Variants in SSH2 observed in about 807,000 individuals in gnomAD.
The protein encoded by SSH2 is slingshot protein phosphatase 2, also known as protein phosphatase Slingshot homolog 2.
In SSH2, 37 loss-of-function variants were observed where a neutral mutation model predicts 135.2. The observed-to-expected ratio is 0.27, with a 90% confidence interval of 0.21 to 0.36. SSH2 has a LOEUF of 0.36. Ranked by LOEUF, SSH2 falls within the 10% of genes least tolerant of loss-of-function variation. SSH2 has a pLI of 1.00. For missense variants in SSH2, 1,408 were observed against 1,765.3 expected, an observed-to-expected ratio of 0.80 and a Z score of 3.63; for synonymous variants, 628 against 646.2, an observed-to-expected ratio of 0.97 and a Z score of 0.43.
chr17:29,842,471 AG>A (rs1440493524), intron 2 of SSH2, among the ~76,000 whole-genome samples: 3 of 107,036 alleles, frequency 2.8e-5, no homozygotes, highest in Admixed American at 2.2e-4. Context: ...AAAAAAAAAA[AG>A]ATCATCAGGT....
Position 29,703,057 on chromosome 17 carries a change from C to T in SSH2, c.194G>A (p.Ser65Asn). The T allele has an allele frequency of 6.2e-7, 1 of 1,610,774 alleles. No homozygotes were observed. Among genetic ancestry groups the T allele is most frequent in the Non-Finnish European group, 8.5e-7 (1 of 1,177,070 alleles). Residue 65 changes from serine to asparagine, a missense_variant, in exon 4 of 16, where the codon AGC (serine) becomes AAC (asparagine). Around this residue, in one of 3 missense-constraint regions of SSH2, gnomAD observed 222 missense variants for 355.6 expected, o/e 0.62. Transcript: ENST00000540801. The stretch of plus-strand genomic sequence containing the variant: ...ACCTTTGACAGTTAGAAAGCTCTCG[C>T]TGATGCTACAAGGAAAAAGTCAAAA... ...EECRSQPRSISESFLTVKGAA... is the reference protein window; with the variant it reads ...EECRSQPRSINESFLTVKGAA...
chr17:29,911,854 C>G (rs1376654370), intron 1 of SSH2, among the ~76,000 whole-genome samples: 2 of 152,194 alleles, frequency 1.3e-5, no homozygotes, highest in African/African-American at 4.8e-5. Flanking sequence ...CTAGTTAAAT[C>G]TGGGCCTCAG....
In SSH2 at chr17:29,628,786, T is replaced by C. The variant is rs575669346; in HGVS notation, c.*2055A>G. ...CAGGGTACACATAATCACTGCACCA[T>C]AGAGACGCTTTTAGCAAGTGGTTTC... On this transcript the variant is annotated 3_prime_UTR_variant, in exon 16 of 16. Coordinates refer to ENST00000540801, the MANE Select transcript of SSH2 (RefSeq NM_001282129.2). The C allele has an allele frequency of 6.6e-6, 1 of 152,342 alleles. No homozygotes were observed. Among genetic ancestry groups the C allele is most frequent in the South Asian group, 2.1e-4 (1 of 4,826 alleles). The allele number at this position is 152,342 out of a possible 1,614,324, so 9.4% of individuals were successfully genotyped here.
chr17:29,822,333 T>C (rs2042667826), intron 2 of SSH2, among the ~76,000 whole-genome samples: 1 of 152,110 alleles, frequency 6.6e-6, no homozygotes, highest in South Asian at 2.1e-4. Context: ...CATATAATCA[T>C]TGAAAAAAAC....
chr17:29,900,369 T>C (rs1402127249), intron 1 of SSH2, among the ~76,000 whole-genome samples: 1 of 152,144 alleles, frequency 6.6e-6, no homozygotes, highest in African/African-American at 2.4e-5. Flanking sequence ...GAGAAAATTT[T>C]TGCAATCTAC....
intron 3 of SSH2, among the ~76,000 whole-genome samples, chr17:29,767,064 T>C (rs1210215012): frequency 2.6e-5 from 4 of 152,238 alleles, no homozygotes; most frequent in South Asian, 2.1e-4. Context: ...GATTAAGCAA[T>C]GTCACTGAAC....
At chr17:29,696,133 G>C (rs1598821673) in intron 4 of SSH2, among the ~76,000 whole-genome samples, 2 of 148,474 alleles carry the variant, frequency 1.3e-5, no homozygotes, top group South Asian at 4.3e-4. Flanking sequence ...ACCCACGCTG[G>C]AGTGTAGTGA....
At chr17:29,889,307 A>G (rs1480698609) in intron 1 of SSH2, among the ~76,000 whole-genome samples, 1 of 151,984 alleles carries the variant, frequency 6.6e-6, no homozygotes, top group Non-Finnish European at 1.5e-5. Context: ...TTAGCTGGGC[A>G]TGGTGGCACA....
chr17:29,790,400 C>T (rs1477455591), intron 3 of SSH2, among the ~76,000 whole-genome samples: 2 of 152,178 alleles, frequency 1.3e-5, no homozygotes, highest in African/African-American at 4.8e-5. Flanking sequence ...AACATTCTGG[C>T]ACCTTGATCT....
chr17:29,853,235 C>T (rs1323108415), intron 1 of SSH2, among the ~76,000 whole-genome samples: 2 of 151,576 alleles, frequency 1.3e-5, no homozygotes, highest in Non-Finnish European at 2.9e-5. Flanking sequence ...TACAGGTGCA[C>T]ACCACAACGA....
At chr17:29,755,256 A>C (rs957127067) in intron 3 of SSH2, among the ~76,000 whole-genome samples, 3 of 152,196 alleles carry the variant, frequency 2.0e-5, no homozygotes, top group African/African-American at 7.2e-5. Context: ...AGACTCCTGA[A>C]GTTTGACCAA....
intron 6 of SSH2, among the ~76,000 whole-genome samples, chr17:29,678,093 ATT>A (rs56386467): frequency 2.6e-3 from 355 of 135,946 alleles, no homozygotes; most frequent in African/African-American, 5.0e-3. Flanking sequence ...GACTCCAAGG[ATT>A]TTTTTTTTTT....
chr17:29,775,851 A>G (rs2041686882), intron 3 of SSH2: 2 of 152,222 alleles, frequency 1.3e-5, no homozygotes, highest in Admixed American at 6.5e-5. Flanking sequence ...AAATGCTTCA[A>G]ATACTCTGTG....
intron 3 of SSH2, among the ~76,000 whole-genome samples, chr17:29,722,920 C>T (rs1183208811): frequency 6.6e-6 from 1 of 152,198 alleles, no homozygotes; most frequent in Non-Finnish European, 1.5e-5. Context: ...ACCAACAATC[C>T]GAAGCCACAG....
At chr17:29,710,130 A>G (rs2039381649) in intron 3 of SSH2, among the ~76,000 whole-genome samples, 1 of 152,220 alleles carries the variant, frequency 6.6e-6, no homozygotes, top group African/African-American at 2.4e-5. Flanking sequence ...AAGGTCAAGG[A>G]AGCAAAACAA....
At chr17:29,919,145 C>T (rs1194379092) in intron 1 of SSH2, among the ~76,000 whole-genome samples, 2 of 152,126 alleles carry the variant, frequency 1.3e-5, no homozygotes, top group Non-Finnish European at 2.9e-5. Context: ...CTGTAAGCTT[C>T]CTGAGGTTAG....
At chr17:29,868,933 A>C (rs1458860055) in intron 1 of SSH2, among the ~76,000 whole-genome samples, 1 of 152,186 alleles carries the variant, frequency 6.6e-6, no homozygotes, top group African/African-American at 2.4e-5. Flanking sequence ...TAATAGAGGT[A>C]GCTCAGAGCT....
chr17:29,917,500 C>T (rs778992809), intron 1 of SSH2, among the ~76,000 whole-genome samples: 1 of 152,192 alleles, frequency 6.6e-6, no homozygotes, highest in Non-Finnish European at 1.5e-5. Flanking sequence ...TGCCTTATAT[C>T]ATCCCTCAGT....
chr17:29,887,715 T>C (rs545071944), intron 1 of SSH2, among the ~76,000 whole-genome samples: 2 of 152,320 alleles, frequency 1.3e-5, no homozygotes, highest in African/African-American at 2.4e-5. Context: ...AGCAGAAACC[T>C]GGTCATCATA....
Sources: gnomAD v4.1 joint callset for allele counts (sites outside exome capture counted in the v4.1 genomes callset) on GRCh38, gnomAD v4.1.1 for gene constraint, gnomAD v4.1.1 regional missense constraint, MANE v1.5 for transcripts, NCBI Gene and HGNC (gene_info 2026-07-23, HGNC 2026-07-21) for gene names.